Variants in PCDH9 observed in about 807,000 individuals in gnomAD.
PCDH9 encodes protocadherin-9.
Under a neutral mutation model 70.6 loss-of-function variants are expected in PCDH9, and 24 were observed. The observed-to-expected ratio is 0.34, with a 90% CI of 0.25 to 0.48. PCDH9 has a LOEUF of 0.48. Ranked by LOEUF, PCDH9 falls within the 20% of genes least tolerant of loss-of-function variation. PCDH9 has a pLI of 0.99. For synonymous variants in PCDH9, 562 were observed against 558.5 expected, an observed-to-expected ratio of 1.01 and a Z score of -0.09; for missense variants, 1,281 against 1,503.6, an observed-to-expected ratio of 0.85 and a Z score of 2.45.
chr13:66,514,187 G>A (rs942629271), intron 4 of PCDH9, among the ~76,000 whole-genome samples: 1 of 152,086 alleles, frequency 6.6e-6, no homozygotes, highest in Admixed American at 6.6e-5. Flanking sequence ...GGCATACACA[G>A]TACTGTATAC....
At chr13:66,742,797 T>C (rs924502196) in intron 3 of PCDH9, among the ~76,000 whole-genome samples, 1 of 148,934 alleles carries the variant, frequency 6.7e-6, no homozygotes, top group Non-Finnish European at 1.5e-5. Context: ...CTATGAGATA[T>C]CATCTCACAC....
chr13:66,417,900 A>G (rs554473864), intron 4 of PCDH9, among the ~76,000 whole-genome samples: 27 of 152,184 alleles, frequency 1.8e-4, no homozygotes, highest in Non-Finnish European at 3.2e-4. Flanking sequence ...TAGATTCTGG[A>G]TATTAGACTT....
intron 3 of PCDH9, among the ~76,000 whole-genome samples, chr13:66,706,626 C>T (rs768270097): frequency 6.6e-6 from 1 of 152,096 alleles, no homozygotes; most frequent in Non-Finnish European, 1.5e-5. Context: ...TGCCAAGTGA[C>T]AAATGATGTT....
At chr13:67,122,400 G>A (rs1272093162) in intron 2 of PCDH9, among the ~76,000 whole-genome samples, 2 of 151,922 alleles carry the variant, frequency 1.3e-5, no homozygotes, top group African/African-American at 4.8e-5. Flanking sequence ...ATATTTTCTA[G>A]TTCAAAAACC....
chr13:66,995,918 A>G (rs1244769452), intron 2 of PCDH9, among the ~76,000 whole-genome samples: 21 of 152,216 alleles, frequency 1.4e-4, no homozygotes, highest in Admixed American at 1.4e-3. Flanking sequence ...AAAATGATAC[A>G]GATTATTTTC....
At chr13:67,129,761 A>T (rs1402981550) in intron 2 of PCDH9, among the ~76,000 whole-genome samples, 3 of 152,022 alleles carry the variant, frequency 2.0e-5, no homozygotes, top group Admixed American at 1.3e-4. Context: ...ACTACAAGAC[A>T]CTACTACAAA....
intron 2 of PCDH9, among the ~76,000 whole-genome samples, chr13:67,170,156 AC>A (rs1188682095): frequency 1.3e-5 from 2 of 152,174 alleles, no homozygotes; most frequent in East Asian, 1.9e-4. Context: ...CCATCAGATT[AC>A]TTTTATTTAT....
At chr13:66,691,170 G>C (rs8001910) in intron 3 of PCDH9, among the ~76,000 whole-genome samples, 2,092 of 152,092 alleles carry the variant, frequency 0.014, 44 homozygotes, top group African/African-American at 0.048. Flanking sequence ...CCAAGCAGCT[G>C]GAATTACAGG....
intron 1 of PCDH9, among the ~76,000 whole-genome samples, chr13:67,229,492 A>G (rs1021861724): frequency 3.3e-5 from 5 of 152,212 alleles, no homozygotes; most frequent in Non-Finnish European, 5.9e-5. Context: ...TGCAGGTAAA[A>G]AGGCTTCTGC....
At chr13:66,906,319 T>A (rs772174014) in intron 2 of PCDH9, among the ~76,000 whole-genome samples, 1 of 152,112 alleles carries the variant, frequency 6.6e-6, no homozygotes, top group Non-Finnish European at 1.5e-5. Context: ...CATGAGTAAT[T>A]TGATAATAGT....
chr13:66,713,625 G>GTATATA lies in PCDH9; in HGVS notation c.3139-82220_3139-82215dup, dbSNP rs67681559. On this transcript the variant is annotated intron_variant, in intron 3 of 4. Transcript: ENST00000377865. ...ATATATATATAAAGTGTGTGTGTGT[G>GTATATA]TATATATATATATATATATATATAT... is the stretch of plus-strand genomic sequence containing the variant. Among the ~76,000 whole-genome samples, 907 of 109,960 alleles carry GTATATA rather than the reference G, an allele frequency of 8.2e-3. 22 individuals carry two copies. Among genetic ancestry groups the GTATATA allele is most frequent in the African/African-American group, 0.031 (833 of 27,264 alleles). 72.1% of individuals were successfully genotyped at this position (109,960 alleles called of 152,430 possible).
At chr13:66,345,167 T>C (rs1956193826) in intron 4 of PCDH9, among the ~76,000 whole-genome samples, 1 of 152,138 alleles carries the variant, frequency 6.6e-6, no homozygotes, top group East Asian at 1.9e-4. Context: ...TAGGGCAGTG[T>C]TCCTTATTTT....
At chr13:66,449,862 T>C (rs1400588462) in intron 4 of PCDH9, among the ~76,000 whole-genome samples, 1 of 152,184 alleles carries the variant, frequency 6.6e-6, no homozygotes, top group African/African-American at 2.4e-5. Context: ...AAAAAGTTTT[T>C]CTATATATAC....
chr13:67,140,712 T>C (rs1189662802), intron 2 of PCDH9, among the ~76,000 whole-genome samples: 1 of 152,236 alleles, frequency 6.6e-6, no homozygotes, highest in Non-Finnish European at 1.5e-5. Context: ...TCTCTTTATT[T>C]GTACCTTCAG....
chr13:66,810,700 C>T (rs372118427), intron 3 of PCDH9, among the ~76,000 whole-genome samples: 1 of 151,562 alleles, frequency 6.6e-6, no homozygotes, highest in South Asian at 2.1e-4. Context: ...AAATTTCTAT[C>T]CAAAAAACAC....
intron 3 of PCDH9, among the ~76,000 whole-genome samples, chr13:66,698,683 A>G (rs780775529): frequency 5.3e-5 from 8 of 152,090 alleles, no homozygotes; most frequent in East Asian, 3.9e-4. Flanking sequence ...GGCTCAGTCA[A>G]TCTTCCCACC....
intron 3 of PCDH9, among the ~76,000 whole-genome samples, 186 bp from the exon 4 acceptor site, chr13:66,631,597 A>C (rs985377637): frequency 1.3e-5 from 2 of 152,224 alleles, no homozygotes; most frequent in African/African-American, 4.8e-5. Context: ...CAACCAGCAA[A>C]ATACCAAAAA....
At chr13:66,745,297 G>T (rs1369417454) in intron 3 of PCDH9, among the ~76,000 whole-genome samples, 2 of 152,112 alleles carry the variant, frequency 1.3e-5, no homozygotes, top group Non-Finnish European at 2.9e-5. Context: ...TGATAGAAAA[G>T]CTCTTGCTTT....
At chr13:66,767,616 T>G (rs972098944) in intron 3 of PCDH9, among the ~76,000 whole-genome samples, 1 of 152,018 alleles carries the variant, frequency 6.6e-6, no homozygotes, top group Admixed American at 6.6e-5. Flanking sequence ...AGAGTTATGT[T>G]GAACAGCTTG....
Sources: gnomAD v4.1 joint callset for allele counts (sites outside exome capture counted in the v4.1 genomes callset) on GRCh38, gnomAD v4.1.1 for gene constraint, MANE v1.5 for transcripts, NCBI Gene and HGNC (gene_info 2026-07-23, HGNC 2026-07-21) for gene names.